Variants in DEPTOR observed in about 807,000 individuals in gnomAD.
DEPTOR encodes DEP domain containing MTOR interacting protein.
A neutral mutation model predicts 41.6 loss-of-function variants in DEPTOR; 41 were observed. The observed-to-expected ratio is 0.98, with a 90% CI of 0.77 to 1.28. The LOEUF (loss-of-function observed/expected upper bound fraction) is 1.28. DEPTOR is among the 50% of genes most tolerant of loss of function. The pLI, the probability that DEPTOR is intolerant of heterozygous loss-of-function variation, is 0.00. For missense variants in DEPTOR, 514 were observed against 527.9 expected (o/e 0.97, Z 0.26); for synonymous variants, 195 against 192.3 (o/e 1.01, Z -0.12).
At position 120,016,972 on chromosome 8, in the gene DEPTOR, T is replaced by C. The variant is rs374385870; in HGVS notation, c.1101+7839T>C. Reference sequence around the variant, plus strand: ...AGTCTGTAACACCTGTCTCATTGTCTCCATCATATTTTTTAGAATATGATT... The same window carrying C: ...AGTCTGTAACACCTGTCTCATTGTCCCCATCATATTTTTTAGAATATGATT... On this transcript the variant is annotated intron_variant, in intron 8 of 8. Coordinates refer to ENST00000286234, the MANE Select transcript of DEPTOR (RefSeq NM_022783.4). Among the ~76,000 whole-genome samples the C allele has an allele frequency of 2.0e-5, 3 of 152,330 alleles. No homozygotes were observed. In the East Asian group the frequency reaches 5.8e-4, roughly 29 times the overall value.
intron 8 of DEPTOR, among the ~76,000 whole-genome samples, chr8:120,029,018 A>C (rs1263949294): frequency 6.6e-6 from 1 of 151,704 alleles, no homozygotes; most frequent in Admixed American, 6.6e-5. Context: ...GGTTGTAGTG[A>C]GCTGAGATCG....
intron 1 of DEPTOR, among the ~76,000 whole-genome samples, chr8:119,901,373 G>A (rs1019631417): frequency 6.6e-6 from 1 of 152,004 alleles, no homozygotes; most frequent in South Asian, 2.1e-4. Flanking sequence ...CCCTGATGCT[G>A]TTAGAAAGAT....
chr8:119,991,046 CTT>C (rs1296894249), intron 4 of DEPTOR, among the ~76,000 whole-genome samples: 5 of 17,084 alleles, frequency 2.9e-4, no homozygotes, highest in Non-Finnish European at 6.6e-4. Context: ...TTCTTTCTTT[CTT>C]TCTTTCTTTC....
intron 4 of DEPTOR, among the ~76,000 whole-genome samples, chr8:119,993,380 A>G (rs533639667): frequency 2.0e-5 from 3 of 152,154 alleles, no homozygotes; most frequent in Non-Finnish European, 2.9e-5. Flanking sequence ...TTTAAATCCC[A>G]TTTAATACGA....
intron 3 of DEPTOR, among the ~76,000 whole-genome samples, chr8:119,945,138 C>T (rs1828255389): frequency 6.6e-6 from 1 of 152,024 alleles, no homozygotes; most frequent in Non-Finnish European, 1.5e-5. Context: ...AGCATATGCC[C>T]CATAAATGTT....
Position 119,971,706 on chromosome 8 carries a change from G to A in DEPTOR, c.604+6296G>A, listed in dbSNP as rs182654091. 4.6e-5 allele frequency among the ~76,000 whole-genome samples: 7 copies of A among 152,244 alleles called. No homozygotes were observed. The South Asian group carries it at 6.2e-4, about 14-fold the overall frequency. ...GAGGGGCAGAAGCGGGGAGAAGGTCGGAGACATCGTAGATTTTTCTTCAGT... is the reference window on the plus strand; with the variant it reads ...GAGGGGCAGAAGCGGGGAGAAGGTCAGAGACATCGTAGATTTTTCTTCAGT... On this transcript the variant is annotated intron_variant, in intron 4 of 8. Coordinates refer to ENST00000286234, the MANE Select transcript of DEPTOR (RefSeq NM_022783.4).
intron 1 of DEPTOR, among the ~76,000 whole-genome samples, chr8:119,876,994 A>C (rs1827238904): frequency 6.6e-6 from 1 of 152,174 alleles, no homozygotes. Context: ...ATTGGGCAGG[A>C]AGGATTGGGT....
intron 1 of DEPTOR, among the ~76,000 whole-genome samples, chr8:119,902,483 G>A (rs1260618201): frequency 1.3e-5 from 2 of 152,124 alleles, no homozygotes; most frequent in African/African-American, 4.8e-5. Context: ...GGGACTACAG[G>A]CATGTGCCAC....
At chr8:119,988,301 A>G (rs1051631304) in intron 4 of DEPTOR, among the ~76,000 whole-genome samples, 5 of 152,024 alleles carry the variant, frequency 3.3e-5, no homozygotes, top group Non-Finnish European at 7.4e-5. Context: ...GGGTGAGGCA[A>G]TGTCCCACTC....
intron 8 of DEPTOR, among the ~76,000 whole-genome samples, chr8:120,038,725 A>G (rs1316664916): frequency 6.6e-6 from 1 of 152,228 alleles, no homozygotes; most frequent in East Asian, 1.9e-4. Context: ...GAAGCTGATT[A>G]TCCACTGCTC....
At position 120,040,541 on chromosome 8, in the gene DEPTOR, T is replaced by A. The variant is rs563504203; in HGVS notation, c.1102-9035T>A. Among the ~76,000 whole-genome samples, 75 of 152,226 alleles carry A rather than the reference T, an allele frequency of 4.9e-4. 1 individual carries two copies. The highest frequency in any genetic ancestry group is 1.5e-3 in the African/African-American group (63 of 41,550). ...GTCTTGGATAAGATCTGAGAAGTCA[T>A]ACTTAGAATGGGATCCCAAAGGTGA... On this transcript the variant is annotated intron_variant, in intron 8 of 8. Coordinates refer to ENST00000286234, the MANE Select transcript of DEPTOR (RefSeq NM_022783.4).
At chr8:119,925,385 G>T (rs1827950655) in intron 1 of DEPTOR, among the ~76,000 whole-genome samples, 1 of 152,006 alleles carries the variant, frequency 6.6e-6, no homozygotes, top group Non-Finnish European at 1.5e-5. Flanking sequence ...GTGAGACTCT[G>T]CCTCAAAAAC....
intron 4 of DEPTOR, among the ~76,000 whole-genome samples, chr8:119,996,441 C>T (rs1436234349): frequency 6.6e-6 from 1 of 152,150 alleles, no homozygotes; most frequent in Non-Finnish European, 1.5e-5. Context: ...ACCTGACTTC[C>T]TCATGTTTGA....
chr8:119,956,727 GT>G (rs1410547306), intron 3 of DEPTOR, among the ~76,000 whole-genome samples: 17 of 80,686 alleles, frequency 2.1e-4, no homozygotes, highest in East Asian at 3.2e-4. Context: ...AGGGTTTTTT[GT>G]TTTTTTTTTT....
chr8:119,974,553 C>T (rs916073088), intron 4 of DEPTOR, among the ~76,000 whole-genome samples: 2 of 152,150 alleles, frequency 1.3e-5, no homozygotes, highest in East Asian at 3.9e-4. Context: ...GAGAGAATCA[C>T]TTGAGGCCAA....
chr8:119,999,928 G>A (rs1389253934), intron 4 of DEPTOR, among the ~76,000 whole-genome samples: 1 of 152,138 alleles, frequency 6.6e-6, no homozygotes, highest in Non-Finnish European at 1.5e-5. Context: ...TGAACTATAT[G>A]TGCTCCTGCA....
Position 119,927,788 on chromosome 8 carries a change from T to C in DEPTOR, c.123-612T>C, listed in dbSNP as rs563208458. ...CACACCTGGCTAATTTTTGTATTTT[T>C]AGTAGAGATGGGTTTTCACTGTTGG... is the stretch of plus-strand genomic sequence containing the variant. On this transcript the variant is annotated intron_variant, in intron 1 of 8. Transcript: ENST00000286234. Among the ~76,000 whole-genome samples the C allele has an allele frequency of 3.3e-3, 500 of 151,692 alleles. 2 individuals carry two copies. Among genetic ancestry groups the C allele is most frequent in the Non-Finnish European group, 6.1e-3 (413 of 67,942 alleles).
At chr8:120,031,272 G>A (rs11986202) in intron 8 of DEPTOR, among the ~76,000 whole-genome samples, 54,515 of 151,868 alleles carry the variant, frequency 0.36, 10,593 homozygotes, top group East Asian at 0.58. Context: ...TTCAAGACCA[G>A]CCTAGGCAAC....
intron 4 of DEPTOR, among the ~76,000 whole-genome samples, chr8:119,972,393 C>T (rs574833233): frequency 8.2e-4 from 125 of 152,234 alleles, no homozygotes; most frequent in African/African-American, 3.0e-3. Flanking sequence ...GAGGCTGAGG[C>T]AGACGGATCA....
Sources: gnomAD v4.1 joint callset for allele counts (sites outside exome capture counted in the v4.1 genomes callset) on GRCh38, gnomAD v4.1.1 for gene constraint, MANE v1.5 for transcripts, NCBI Gene and HGNC (gene_info 2026-07-23, HGNC 2026-07-21) for gene names.